Variants in SIM1 observed in about 807,000 individuals in gnomAD.
SIM1 encodes SIM bHLH transcription factor 1, also known as single-minded homolog 1.
A neutral mutation model predicts 78.2 loss-of-function variants in SIM1; 18 were observed. That is an observed-to-expected ratio of 0.23 (90% confidence interval 0.16 to 0.34). SIM1 has a LOEUF of 0.34. Among genes scored for constraint, SIM1 ranks in the 10% least tolerant of loss-of-function variants. The pLI, the probability that SIM1 is intolerant of heterozygous loss-of-function variation, is 1.00. For synonymous variants in SIM1, 417 were observed against 385.2 expected (o/e 1.08, Z -0.97); for missense variants, 939 against 975.1 (o/e 0.96, Z 0.49).
chr6:100,429,730 A>G (rs1771852771), intron 9 of SIM1, among the ~76,000 whole-genome samples: 1 of 152,196 alleles, frequency 6.6e-6, no homozygotes, highest in African/African-American at 2.4e-5. Context: ...ATAATCAGCA[A>G]AATATTTCTT....
At position 100,390,458 on chromosome 6, in the gene SIM1, T is replaced by C. The variant is rs554839890; in HGVS notation, c.2204A>G (p.Asn735Ser). 18 of 1,614,174 alleles carry C rather than the reference T, an allele frequency of 1.1e-5. No individual in the cohort carries two copies. In the East Asian group the frequency reaches 1.3e-4, roughly 12 times the overall value. ...ETIRNYSLGC[N>S]GSHFDVTSHL... ...GGAAGTTACATCAAAGTGTGAGCCA[T>C]TACAGCCCAAGGAATAGTTTCTAAT... Residue 735 changes from asparagine (N) to serine (S), a missense_variant, in exon 12 of 12, where the codon AAT becomes AGT. Transcript: ENST00000369208.
intron 9 of SIM1, among the ~76,000 whole-genome samples, chr6:100,442,825 TA>T (rs1275021892): frequency 6.6e-6 from 1 of 152,100 alleles, no homozygotes; most frequent in Non-Finnish European, 1.5e-5. Context: ...AAACCCAAAT[TA>T]ACCCAGCACA....
intron 10 of SIM1, among the ~76,000 whole-genome samples, chr6:100,412,188 C>T (rs1010196849): frequency 6.6e-6 from 1 of 151,902 alleles, no homozygotes; most frequent in African/African-American, 2.4e-5. Context: ...GGCTGAGGGA[C>T]CTCCCAGGAC....
At chr6:100,399,934 C>T (rs1054428864) in intron 10 of SIM1, among the ~76,000 whole-genome samples, 1 of 151,706 alleles carries the variant, frequency 6.6e-6, no homozygotes, top group African/African-American at 2.4e-5. Flanking sequence ...CAAATGTAGA[C>T]AATAAGAAAC....
At chr6:100,446,539 T>C (rs1248049967) in intron 9 of SIM1, among the ~76,000 whole-genome samples, 1 of 152,242 alleles carries the variant, frequency 6.6e-6, no homozygotes, top group Non-Finnish European at 1.5e-5. Flanking sequence ...CCAGGCCACG[T>C]GATGAGCCTG....
chr6:100,431,513 T>C (rs1028959499), intron 9 of SIM1, among the ~76,000 whole-genome samples: 2 of 152,238 alleles, frequency 1.3e-5, no homozygotes, highest in Non-Finnish European at 2.9e-5. Flanking sequence ...TATTATTCTG[T>C]GCTTCAGTAT....
chr6:100,412,705 AAGAAAGAAAGAAAGAAAGAAAGAAAG>A, intron 10 of SIM1, among the ~76,000 whole-genome samples: 6 of 131,692 alleles, frequency 4.6e-5, no homozygotes, highest in African/African-American at 1.9e-4. Flanking sequence ...GAAAGAAAGA[AAGAAAGAAAGAAAGAAAGAAAGAAAG>A]AAAGAAAGAA....
intron 6 of SIM1, 80 bp from the exon 7 acceptor site, chr6:100,448,758 T>G: frequency 7.6e-7 from 1 of 1,308,688 alleles, no homozygotes. Flanking sequence ...TTGAAACATG[T>G]TGAAACTCTG....
chr6:100,464,431 C>T (rs1332773291), intron 1 of SIM1, among the ~76,000 whole-genome samples, 183 bp downstream of exon 1: 1 of 152,200 alleles, frequency 6.6e-6, no homozygotes, highest in Non-Finnish European at 1.5e-5. Flanking sequence ...GGCGACCCAG[C>T]GCTCTGGCTG....
At chr6:100,449,485 G>A (rs746789847) in intron 5 of SIM1, 37 bp from the exon 6 acceptor site, 22 of 1,596,664 alleles carry the variant, frequency 1.4e-5, no homozygotes, top group Non-Finnish European at 1.9e-5. Flanking sequence ...CAGGTCGTGT[G>A]ACACCGGCGG....
At chr6:100,432,929 C>A (rs546332957) in intron 9 of SIM1, among the ~76,000 whole-genome samples, 2 of 152,220 alleles carry the variant, frequency 1.3e-5, no homozygotes, top group Admixed American at 1.3e-4. Flanking sequence ...CCACCATTTA[C>A]CCAAGTTGCT....
At position 100,463,054 on chromosome 6, in the gene SIM1, A is replaced by G. The variant is rs1034386992; in HGVS notation, c.175+240T>C. The stretch of plus-strand genomic sequence containing the variant: ...AAAAGGACTGTTGGGCTGCTTCCCA[A>G]CCAAACATATCTGATGGACTGAAGA... On this transcript the variant is annotated intron_variant, in intron 2 of 11. Transcript: ENST00000369208. 4 of 431,474 alleles carry G rather than the reference A, an allele frequency of 9.3e-6. No individual in the cohort carries two copies. The Middle Eastern group carries it at 2.4e-3, about 256-fold the overall frequency. 26.7% of individuals were successfully genotyped at this position (431,474 alleles called of 1,614,324 possible). A position where few individuals can be genotyped will look rare whatever the true frequency, so the allele number is the denominator to read the frequency against.
chr6:100,412,681 G>GAAAA (rs1160981902), intron 10 of SIM1, among the ~76,000 whole-genome samples: 1 of 72,320 alleles, frequency 1.4e-5, no homozygotes, highest in African/African-American at 5.3e-5. Flanking sequence ...GAGAAAGAAA[G>GAAAA]AAAAAGAAAG....
intron 10 of SIM1, among the ~76,000 whole-genome samples, chr6:100,412,751 GAAA>G (rs1273434988): frequency 0.03 from 4,091 of 138,348 alleles, 115 homozygotes; most frequent in Middle Eastern, 0.056. Flanking sequence ...AAGAAAGAAA[GAAA>G]AAAGAAAAGA....
At position 100,420,946 on chromosome 6, in the gene SIM1, G is replaced by A. The variant is rs866910750; in HGVS notation, c.1011C>T (p.Tyr337=). The A allele has an allele frequency of 6.2e-7, 1 of 1,613,454 alleles. No individual in the cohort carries two copies. The highest frequency in any genetic ancestry group is 1.7e-4 in the Middle Eastern group (1 of 6,028). Residue 337 remains tyrosine, a synonymous_variant, in exon 10 of 12, where the codon TAC becomes TAT. Transcript: ENST00000369208. ...GATCCAGGGAGAGCTGCAGCCCTTTGTATTCTGTGTCTCTGCAGGGTGGGA... is the reference window on the plus strand; with the variant it reads ...GATCCAGGGAGAGCTGCAGCCCTTTATATTCTGTGTCTCTGCAGGGTGGGA... ...SVNYVLTDTE[Y]KGLQLSLDQI...
intron 10 of SIM1, among the ~76,000 whole-genome samples, chr6:100,417,641 C>A (rs1379702320): frequency 1.8e-4 from 27 of 152,198 alleles, no homozygotes; most frequent in Admixed American, 1.8e-3. Flanking sequence ...CTTCTTCCAA[C>A]AGAAACGGTG....
Position 100,456,540 on chromosome 6 carries a change from C to T in SIM1, c.176-2696G>A, listed in dbSNP as rs186541194. ...GAGAAAAGGAGCTCTGTGAGGGAGGCGATAACTAAATCGGGTTTTAGACAA... is the reference window on the plus strand; with the variant it reads ...GAGAAAAGGAGCTCTGTGAGGGAGGTGATAACTAAATCGGGTTTTAGACAA... On this transcript the variant is annotated intron_variant, in intron 2 of 11. Transcript: ENST00000369208. Among the ~76,000 whole-genome samples the T allele has an allele frequency of 1.6e-3, 239 of 152,244 alleles. 1 individual carries two copies. Among genetic ancestry groups the T allele is most frequent in the Admixed American group, 4.6e-3 (71 of 15,292 alleles).
intron 10 of SIM1, among the ~76,000 whole-genome samples, chr6:100,415,270 TA>T (rs2114496845): frequency 6.6e-6 from 1 of 152,364 alleles, no homozygotes; most frequent in Admixed American, 6.5e-5. Context: ...TAACTAGTTT[TA>T]TTAAAATAGA....
rs115143885 is a variant in SIM1, at chr6:100,454,319, C to A, written c.176-475G>T. ...CCGGCCAGGTCCAACCGGTCCTTGG[C>A]GGGCTTTCTGATTGGCTGCGGGGCT... On this transcript the variant is annotated intron_variant, in intron 2 of 11. Transcript: ENST00000369208. Among the ~76,000 whole-genome samples, 995 of 152,324 alleles carry A rather than the reference C, an allele frequency of 6.5e-3. 12 individuals are homozygous for A. Among genetic ancestry groups the A allele is most frequent in the African/African-American group, 0.023 (950 of 41,574 alleles).
Sources: gnomAD v4.1 joint callset for allele counts (sites outside exome capture counted in the v4.1 genomes callset) on GRCh38, gnomAD v4.1.1 for gene constraint, MANE v1.5 for transcripts, NCBI Gene and HGNC (gene_info 2026-07-23, HGNC 2026-07-21) for gene names.